The following AGBL4 variants were observed in gnomAD, a reference collection of about 807,000 sequenced individuals.
The protein encoded by AGBL4 is cytosolic carboxypeptidase 6.
Under a neutral mutation model 66.4 loss-of-function variants are expected in AGBL4, and 58 were observed. The ratio of observed to expected loss-of-function variants is 0.87; its 90% CI spans 0.71 to 1.09. The LOEUF (loss-of-function observed/expected upper bound fraction) is 1.09. Ranked by LOEUF, AGBL4 falls within the 50% of genes least tolerant of loss-of-function variation. The pLI is 0.00. For missense variants in AGBL4, 579 were observed against 631.0 expected (o/e 0.92, Z 0.88); for synonymous variants, 234 against 222.9 (o/e 1.05, Z -0.44).
At chr1:49,062,135 T>C (rs904879472) in intron 4 of AGBL4, among the ~76,000 whole-genome samples, 1 of 152,036 alleles carries the variant, frequency 6.6e-6, no homozygotes, top group Non-Finnish European at 1.5e-5. Flanking sequence ...GTGAAACAGA[T>C]TCACCCCAAA....
At chr1:49,920,272 C>G (rs1332441669) in intron 1 of AGBL4, among the ~76,000 whole-genome samples, 1 of 152,126 alleles carries the variant, frequency 6.6e-6, no homozygotes, top group East Asian at 1.9e-4. Flanking sequence ...TTCTGCACAG[C>G]AAAAGAAACT....
chr1:48,682,573 T>G (rs1304660615), intron 6 of AGBL4, among the ~76,000 whole-genome samples: 1 of 152,102 alleles, frequency 6.6e-6, no homozygotes, highest in Non-Finnish European at 1.5e-5. Context: ...TTAAAATTCC[T>G]TGTAGGGAGG....
chr1:48,804,976 G>T (rs1645890913), intron 6 of AGBL4, among the ~76,000 whole-genome samples: 1 of 152,148 alleles, frequency 6.6e-6, no homozygotes, highest in South Asian at 2.1e-4. Flanking sequence ...GGGAGCGGGA[G>T]AAGAGTCCCT....
At chr1:49,289,377 G>A (rs1356645529) in intron 3 of AGBL4, among the ~76,000 whole-genome samples, 1 of 152,080 alleles carries the variant, frequency 6.6e-6, no homozygotes, top group Non-Finnish European at 1.5e-5. Context: ...AAAATATGGA[G>A]CACCAGAAAC....
chr1:49,886,904 T>C (rs1648093547), intron 1 of AGBL4, among the ~76,000 whole-genome samples: 1 of 152,114 alleles, frequency 6.6e-6, no homozygotes, highest in Non-Finnish European at 1.5e-5. Flanking sequence ...AATTTATTTC[T>C]GCCAGATTCA....
chr1:48,807,524 G>T (rs1270870260), intron 6 of AGBL4, among the ~76,000 whole-genome samples: 2 of 152,194 alleles, frequency 1.3e-5, no homozygotes, highest in African/African-American at 4.8e-5. Context: ...GAGCCTCCCT[G>T]TGAGAGGTGA....
chr1:49,865,076 C>A (rs1034385488), intron 1 of AGBL4, among the ~76,000 whole-genome samples: 1 of 152,196 alleles, frequency 6.6e-6, no homozygotes, highest in Admixed American at 6.5e-5. Flanking sequence ...GCAAGTCCAG[C>A]CAGGGGTTTA....
intron 5 of AGBL4, among the ~76,000 whole-genome samples, chr1:48,886,858 G>T (rs1650410935): frequency 6.6e-6 from 1 of 152,234 alleles, no homozygotes. Context: ...GCCACGGTCA[G>T]CCACAAATTC....
intron 5 of AGBL4, among the ~76,000 whole-genome samples, chr1:48,985,903 A>G (rs1442892208): frequency 6.6e-6 from 1 of 152,184 alleles, no homozygotes; most frequent in African/African-American, 2.4e-5. Context: ...TTAGCAGAAA[A>G]AGACATTGAC....
chr1:48,983,576 A>C (rs1403528162), intron 5 of AGBL4, among the ~76,000 whole-genome samples: 1 of 152,240 alleles, frequency 6.6e-6, no homozygotes, highest in Non-Finnish European at 1.5e-5. Flanking sequence ...CCATCAAGCA[A>C]ACAAATAGCA....
At position 48,761,445 on chromosome 1, in the gene AGBL4, A is replaced by C. The variant is rs1265044870; in HGVS notation, c.635-98204T>G. 5 of 1,551,072 alleles carry C rather than the reference A, an allele frequency of 3.2e-6. No homozygotes were observed. In the African/African-American group the frequency reaches 6.8e-5, roughly 21 times the overall value. On this transcript the variant is annotated intron_variant, in intron 6 of 13. Coordinates refer to ENST00000371839, the MANE Select transcript of AGBL4 (RefSeq NM_032785.4). ...GGATTTTTATTTTCTTCTGCATCAC[A>C]CTGTTTTCAAGGTCAGATTTGTCTT...
In AGBL4 at chr1:48,534,371, A is replaced by G. The variant is rs773685351; in HGVS notation, c.1392-78T>C. The stretch of plus-strand genomic sequence containing the variant: ...GATGAAATCATTTGTGTGCATGTCT[A>G]TCTTCCCCACTGGACTGTAGCCTCC... On this transcript the variant is annotated intron_variant, in intron 13 of 13. Transcript: ENST00000371839. 79 of 1,475,350 alleles carry G rather than the reference A, an allele frequency of 5.4e-5. 1 individual carries two copies. Among genetic ancestry groups the G allele is most frequent in the Middle Eastern group, 2.5e-4 (1 of 3,986 alleles). The allele number at this position is 1,475,350 out of a possible 1,614,324, so 91.4% of individuals were successfully genotyped here.
chr1:48,543,657 C>T (rs542702095), intron 11 of AGBL4, among the ~76,000 whole-genome samples: 4 of 152,294 alleles, frequency 2.6e-5, no homozygotes, highest in African/African-American at 7.2e-5. Flanking sequence ...GCCATTACTC[C>T]ATCCAGGACC....
chr1:49,995,655 T>A (rs1019041203), intron 1 of AGBL4: 1 of 193,376 alleles, frequency 5.2e-6, no homozygotes, highest in Non-Finnish European at 1.1e-5. Context: ...CAAGCAACCC[T>A]AGGGCAAGCT....
chr1:48,649,462 G>T (rs960072066), intron 8 of AGBL4, among the ~76,000 whole-genome samples: 1 of 152,258 alleles, frequency 6.6e-6, no homozygotes, highest in East Asian at 1.9e-4. Context: ...CTACTATAGC[G>T]TATACTATAG....
intron 3 of AGBL4, among the ~76,000 whole-genome samples, chr1:49,483,343 G>T (rs1646995823): frequency 6.6e-6 from 1 of 151,950 alleles, no homozygotes; most frequent in Non-Finnish European, 1.5e-5. Flanking sequence ...CCAAAAAATA[G>T]AAAATTATTC....
intron 6 of AGBL4, among the ~76,000 whole-genome samples, chr1:48,749,851 A>G (rs983376737): frequency 6.6e-6 from 1 of 152,212 alleles, no homozygotes; most frequent in African/African-American, 2.4e-5. Flanking sequence ...CCTGTCAAGG[A>G]AGCATTGAAG....
chr1:48,746,808 G>A (rs751272143), intron 6 of AGBL4, among the ~76,000 whole-genome samples: 6 of 152,198 alleles, frequency 3.9e-5, no homozygotes, highest in Non-Finnish European at 7.3e-5. Flanking sequence ...CTCTGGAAGA[G>A]CCTAGCACTG....
chr1:49,350,227 G>A (rs1225190632), intron 3 of AGBL4, among the ~76,000 whole-genome samples: 95 of 143,714 alleles, frequency 6.6e-4, no homozygotes, highest in Non-Finnish European at 1.1e-3. Flanking sequence ...TTTTTGAGAC[G>A]GAGTCTCGCT....
Sources: allele counts gnomAD v4.1 joint callset (sites outside exome capture counted in the v4.1 genomes callset), GRCh38; gene constraint gnomAD v4.1.1; transcripts MANE v1.5; gene names NCBI Gene and HGNC (gene_info 2026-07-23, HGNC 2026-07-21).